Variants in NBPF10 observed in about 807,000 individuals in gnomAD.
NBPF10 encodes NBPF family member NBPF10.
NBPF10 carries 63 observed loss-of-function variants against 77.9 expected under a neutral mutation model. The ratio of observed to expected loss-of-function variants is 0.81; its 90% CI spans 0.66 to 1.00. NBPF10 has a LOEUF of 1.00. Among genes scored for constraint, NBPF10 ranks in the 50% least tolerant of loss-of-function variants. The pLI is 0.00. For synonymous variants in NBPF10, 146 were observed against 264.5 expected, an observed-to-expected ratio of 0.55 and a Z score of 4.35; for missense variants, 522 against 679.8, an observed-to-expected ratio of 0.77 and a Z score of 2.58.
At chr1:146,136,130 ATTACTTG>A (rs1553794826) in intron 7 of NBPF10, among the ~76,000 whole-genome samples, 3 of 151,198 alleles carry the variant, frequency 2.0e-5, no homozygotes, top group African/African-American at 7.3e-5. Flanking sequence ...CACATCAACA[ATTACTTG>A]TTTGAAAAAG....
At chr1:146,136,265 G>A (rs1553794879) in intron 7 of NBPF10, 88 bp downstream of exon 7, 6 of 906,102 alleles carry the variant, frequency 6.6e-6, no homozygotes, top group Non-Finnish European at 1.1e-5. Flanking sequence ...CCCTGGCCCA[G>A]CTTAGCTCTT....
chr1:146,080,968 C>T (rs1656237570), intron 71 of NBPF10, among the ~76,000 whole-genome samples, 191 bp from the exon 72 acceptor site: 1 of 61,006 alleles, frequency 1.6e-5, no homozygotes, highest in African/African-American at 4.1e-5. Flanking sequence ...AAGAGAAAGA[C>T]AGATAGACAC....
Position 146,141,964 on chromosome 1 carries a change from A to G in NBPF10, c.279-146T>C. 9.5e-6 allele frequency: 6 copies of G among 629,344 alleles called. 1 individual carries two copies. The highest frequency in any genetic ancestry group is 1.2e-5 in the Non-Finnish European group (4 of 347,546). 39.0% of individuals were successfully genotyped at this position (629,344 alleles called of 1,614,324 possible). A position where few individuals can be genotyped will look rare whatever the true frequency, so the allele number is the denominator to read the frequency against. On this transcript the variant is annotated intron_variant, in intron 2 of 89. Coordinates refer to ENST00000583866, the Ensembl canonical transcript of NBPF10. ...ATGTTGAAAGGAATGACTGTGGCCA[A>G]GAGAAAGAATAGAAAATGGTCTACA...
At chr1:146,125,649 C>A (rs1199422810) in intron 14 of NBPF10, 133 bp from the exon 15 acceptor site, 1 of 525,210 alleles carries the variant, frequency 1.9e-6, no homozygotes, top group East Asian at 2.9e-5. Context: ...AGATATTCTT[C>A]AGGAGGCCTG....
intron 6 of NBPF10, among the ~76,000 whole-genome samples, chr1:146,137,897 G>GA: frequency 1.2e-5 from 1 of 84,628 alleles, no homozygotes. Flanking sequence ...CAACAGACTA[G>GA]ATGTTATTTG....
At chr1:146,126,614 C>G (rs868934967) in intron 13 of NBPF10, among the ~76,000 whole-genome samples, 4 of 140,704 alleles carry the variant, frequency 2.8e-5, no homozygotes, top group African/African-American at 7.6e-5. Context: ...CACACACACA[C>G]ACACACACAC....
intron 5 of NBPF10, among the ~76,000 whole-genome samples, chr1:146,139,263 CTATT>C (rs1660039225): frequency 8.6e-5 from 12 of 138,816 alleles, no homozygotes; most frequent in African/African-American, 3.1e-4. Flanking sequence ...CCACGCCCAG[CTATT>C]TTTTTTTTTT....
Position 146,139,186 on chromosome 1 carries a change from G to T in NBPF10, c.778+623C>A, listed in dbSNP as rs1376743374. 3.8e-4 allele frequency among the ~76,000 whole-genome samples: 54 copies of T among 141,458 alleles called. No homozygotes were observed. In the East Asian group the frequency reaches 0.011, roughly 28 times the overall value. The allele number at this position is 141,458 out of a possible 152,430, so 92.8% of individuals were successfully genotyped here. ...ACAATCTCGGCTCACTGCAAGCTCC[G>T]GTTCCTGGGTTCATGCCATTCTCCT... On this transcript the variant is annotated intron_variant, in intron 5 of 89. Coordinates refer to ENST00000583866, the Ensembl canonical transcript of NBPF10.
Position 146,143,735 on chromosome 1 carries a change from TTTTGA to T in NBPF10, c.175+855_175+859del, listed in dbSNP as rs1197299619. Among the ~76,000 whole-genome samples, 24 of 137,084 alleles carry T rather than the reference TTTTGA, an allele frequency of 1.8e-4. 1 individual carries two copies. In the East Asian group the frequency reaches 4.7e-3, roughly 27 times the overall value. 89.9% of individuals were successfully genotyped at this position (137,084 alleles called of 152,430 possible). ...GGTACTCTCTGCTTTTTATTTTTAT[TTTTGA>T]TTTATTTATCGTTTTGTTTGTTTGT... On this transcript the variant is annotated intron_variant, in intron 1 of 89. Transcript: ENST00000583866.
At chr1:146,125,879 G>A (rs1344057612) in intron 14 of NBPF10, among the ~76,000 whole-genome samples, 1 of 151,188 alleles carries the variant, frequency 6.6e-6, no homozygotes, top group African/African-American at 2.4e-5. Context: ...GATTGTTCAT[G>A]GTAGCGAGGA....
rs782257802 is a variant in NBPF10, at chr1:146,135,470, C to G, written c.1143G>C (p.Lys381Asn). ...CATCTCTCCCTTCCCGTAACTTCTC[C>G]TTTAACTGGGTCAGCTCTCGTTCCT... Residue 381 changes from lysine to asparagine, a missense_variant, in exon 8 of 90, where the codon AAG (lysine) becomes AAC (asparagine). Lys to Asn is a moderately conservative substitution (Grantham distance 94). Around this residue, in one of 9 missense-constraint regions of NBPF10, gnomAD observed 45 missense variants for 121.0 expected, o/e 0.37. Coordinates refer to ENST00000583866, the Ensembl canonical transcript of NBPF10. 2.6e-5 allele frequency: 18 copies of G among 693,868 alleles called. 6 individuals are homozygous for G. Among genetic ancestry groups the G allele is most frequent in the Non-Finnish European group, 3.7e-5 (16 of 437,204 alleles). 43.0% of individuals were successfully genotyped at this position (693,868 alleles called of 1,614,324 possible). A position where few individuals can be genotyped will look rare whatever the true frequency, so the allele number is the denominator to read the frequency against.
At chr1:146,066,650 T>C (rs868983025) in intron 89 of NBPF10, 89 bp from the exon 90 acceptor site, 6 of 502,680 alleles carry the variant, frequency 1.2e-5, no homozygotes, top group Admixed American at 3.9e-5. Flanking sequence ...CATAAGGAAG[T>C]GGTTAGAAAA....
intron 88 of NBPF10, 146 bp downstream of exon 88, chr1:146,067,857 C>G (rs1311095308): frequency 4.3e-6 from 3 of 698,300 alleles, no homozygotes. Flanking sequence ...GCTGAGACTA[C>G]AGTTTCATTA....
rs1166705938 is a variant in NBPF10 at position 146,140,376 on chromosome 1, C to T, written c.566+108G>A. On this transcript the variant is annotated intron_variant, in intron 4 of 89. Transcript: ENST00000583866. ...CTGGGTTCAATTTCACATACTGTGG[C>T]CAAGGGAATGCGGGCATTTGGCCCA... 1.7e-5 allele frequency: 15 copies of T among 896,470 alleles called. 3 individuals are homozygous for T. The highest frequency in any genetic ancestry group is 1.1e-4 in the Admixed American group (5 of 44,942). The allele number at this position is 896,470 out of a possible 1,614,324, so 55.5% of individuals were successfully genotyped here. A position where few individuals can be genotyped will look rare whatever the true frequency, so the allele number is the denominator to read the frequency against.
intron 9 of NBPF10, 46 bp downstream of exon 9, chr1:146,134,147 C>G: frequency 7.1e-7 from 1 of 1,402,664 alleles, no homozygotes; most frequent in Non-Finnish European, 9.8e-7. Context: ...CTAGATATTC[C>G]TCATATGTTA....
rs587720039 is a variant in NBPF10, at chr1:146,142,747, C to T, written c.181G>A (p.Glu61Lys). 27 of 1,355,138 alleles carry T rather than the reference C, an allele frequency of 2.0e-5. 5 individuals are homozygous for T. In the African/African-American group the frequency reaches 2.1e-4, roughly 10 times the overall value. 83.9% of individuals were successfully genotyped at this position (1,355,138 alleles called of 1,614,324 possible). Residue 61 changes from glutamate (E) to lysine (K), a missense_variant, in exon 2 of 90, where the codon GAA becomes AAA. Coordinates refer to ENST00000583866, the Ensembl canonical transcript of NBPF10. ...AATTTTATGAGGTCTTTACACTCTT[C>T]ATACTCTGAAAAAAGACAGACACGC... is the stretch of plus-strand genomic sequence containing the variant.
chr1:146,066,734 T>A (rs1329948433), intron 89 of NBPF10, among the ~76,000 whole-genome samples, 173 bp from the exon 90 acceptor site: 2 of 148,694 alleles, frequency 1.3e-5, no homozygotes, highest in Admixed American at 1.3e-4. Context: ...CAGGGCCAGG[T>A]AGAAAACAAT....
At chr1:146,122,103 T>C (rs1658250859) in intron 19 of NBPF10, among the ~76,000 whole-genome samples, 180 bp downstream of exon 19, 1 of 73,246 alleles carries the variant, frequency 1.4e-5, no homozygotes, top group Non-Finnish European at 2.7e-5. Context: ...CGTTAGGAAA[T>C]GATAAGGGGA....
intron 67 of NBPF10, among the ~76,000 whole-genome samples, 154 bp from the exon 68 acceptor site, chr1:146,084,063 G>C (rs1656515537): frequency 6.7e-6 from 1 of 148,752 alleles, no homozygotes; most frequent in Non-Finnish European, 1.5e-5. Context: ...TGTTGGGACA[G>C]AACAGGGCCA....
Sources: gnomAD v4.1 joint callset for allele counts (sites outside exome capture counted in the v4.1 genomes callset) on GRCh38, gnomAD v4.1.1 for gene constraint, gnomAD v4.1.1 regional missense constraint, MANE v1.5 for transcripts, NCBI Gene and HGNC (gene_info 2026-07-23, HGNC 2026-07-21) for gene names.